The following CTTNBP2 variants were observed in gnomAD, a reference collection of about 807,000 sequenced individuals.
The protein encoded by CTTNBP2 is cortactin-binding protein 2.
CTTNBP2 carries 108 observed loss-of-function variants against 156.9 expected under a neutral mutation model. That is an observed-to-expected ratio of 0.69 (90% CI 0.59 to 0.81). The LOEUF (loss-of-function observed/expected upper bound fraction) is 0.81. CTTNBP2 is among the 30% of genes least tolerant of loss of function. The pLI is 0.00. For synonymous variants in CTTNBP2, 767 were observed against 751.8 expected, an observed-to-expected ratio of 1.02 and a Z score of -0.33; for missense variants, 1,924 against 2,035.4, an observed-to-expected ratio of 0.95 and a Z score of 1.05.
intron 3 of CTTNBP2, among the ~76,000 whole-genome samples, chr7:117,809,695 A>G: frequency 6.6e-6 from 1 of 152,240 alleles, no homozygotes; most frequent in Non-Finnish European, 1.5e-5. Flanking sequence ...ACACCAGAAC[A>G]CTAACATTTA....
At position 117,767,164 on chromosome 7, in the gene CTTNBP2, T is replaced by C; in HGVS notation, c.2791A>G (p.Ile931Val). The change falls in exon 9 of 23, where the codon ATC (isoleucine) becomes GTC (valine). Residue 931 changes from isoleucine (I) to valine (V), a missense_variant. Coordinates refer to ENST00000160373, the MANE Select transcript of CTTNBP2 (RefSeq NM_033427.3). ...TCAAGCCCTCCGTGCCTACACAAGA[T>C]TTCTAGGCAGTTCTATAAAGACAAG... Reference protein sequence around the residue: ...ASKGFKNCLEILCRHGGLEPE... With the variant: ...ASKGFKNCLEVLCRHGGLEPE... The C allele has an allele frequency of 3.1e-6, 5 of 1,598,074 alleles. No individual in the cohort carries two copies. The highest frequency in any genetic ancestry group is 1.3e-5 in the African/African-American group (1 of 74,714).
chr7:117,850,855 C>T lies in CTTNBP2; in HGVS notation c.189+10354G>A, dbSNP rs151088137. Among the ~76,000 whole-genome samples the T allele has an allele frequency of 9.9e-5, 15 of 152,020 alleles. No individual in the cohort carries two copies. The East Asian group carries it at 2.9e-3, about 29-fold the overall frequency. On this transcript the variant is annotated intron_variant, in intron 2 of 22. Coordinates refer to ENST00000160373, the MANE Select transcript of CTTNBP2 (RefSeq NM_033427.3). Reference sequence around the variant, plus strand: ...ACTAGACAATAAATTTTAGAAGTACCAGGACTATTTAGCTTACACTCTCTT... The same window carrying T: ...ACTAGACAATAAATTTTAGAAGTACTAGGACTATTTAGCTTACACTCTCTT...
intron 3 of CTTNBP2, among the ~76,000 whole-genome samples, chr7:117,808,125 A>G (rs992598157): frequency 6.6e-6 from 1 of 152,192 alleles, no homozygotes; most frequent in Non-Finnish European, 1.5e-5. Flanking sequence ...TATTTTGGCT[A>G]CACAGATTCA....
intron 10 of CTTNBP2, among the ~76,000 whole-genome samples, chr7:117,759,400 C>A (rs1196212682): frequency 1.3e-5 from 2 of 152,146 alleles, no homozygotes; most frequent in Non-Finnish European, 2.9e-5. Flanking sequence ...GTATAAGCCA[C>A]CATGCACAGC....
At chr7:117,817,358 A>ATATATAT (rs1563037636) in intron 2 of CTTNBP2, among the ~76,000 whole-genome samples, 1 of 78,944 alleles carries the variant, frequency 1.3e-5, no homozygotes, top group Non-Finnish European at 2.5e-5. Context: ...AAAAAAAAAA[A>ATATATAT]AAAATATATA....
intron 2 of CTTNBP2, among the ~76,000 whole-genome samples, chr7:117,831,121 A>C (rs559295617): frequency 1.3e-5 from 2 of 152,340 alleles, no homozygotes; most frequent in Non-Finnish European, 2.9e-5. Flanking sequence ...TAAAGACCTA[A>C]GTCCCCTCAT....
At chr7:117,862,977 T>TA (rs1374452951) in intron 1 of CTTNBP2, among the ~76,000 whole-genome samples, 2 of 152,218 alleles carry the variant, frequency 1.3e-5, no homozygotes, top group Non-Finnish European at 2.9e-5. Flanking sequence ...TGAGATGAGA[T>TA]AAAAATGGTA....
chr7:117,715,603 GT>G (rs1404002580), intron 22 of CTTNBP2, among the ~76,000 whole-genome samples: 3 of 151,860 alleles, frequency 2.0e-5, no homozygotes. Flanking sequence ...TGTTCTTCCT[GT>G]TGATTTAAAT....
chr7:117,727,956 G>T, intron 17 of CTTNBP2, 133 bp downstream of exon 17: 1 of 763,226 alleles, frequency 1.3e-6, no homozygotes, highest in Non-Finnish European at 2.1e-6. Flanking sequence ...CTCTGAAAGA[G>T]CAGAGAGCAC....
At chr7:117,847,819 C>CTTTTTTTTTTTTTTTTTTTT (rs201419286) in intron 2 of CTTNBP2, among the ~76,000 whole-genome samples, 5 of 91,358 alleles carry the variant, frequency 5.5e-5, no homozygotes, top group African/African-American at 2.4e-4. Flanking sequence ...TTTGCCTAAC[C>CTTTTTTTTTTTTTTTTTTTT]TTTTTTTTTT....
At chr7:117,753,579 A>G (rs1584946981) in intron 12 of CTTNBP2, among the ~76,000 whole-genome samples, 1 of 152,342 alleles carries the variant, frequency 6.6e-6, no homozygotes, top group Middle Eastern at 3.4e-3. Context: ...CAATGATAAA[A>G]AGGAATGAGA....
Position 117,711,523 on chromosome 7 carries a change from T to C in CTTNBP2, c.*14A>G. On this transcript the variant is annotated 3_prime_UTR_variant, in exon 23 of 23. Transcript: ENST00000160373. Reference sequence around the variant, plus strand: ...AAATAGAGGAAGTTAATAATGAGAATATTGTAGGCAGGCCTATTTGTTAGG... The same window carrying C: ...AAATAGAGGAAGTTAATAATGAGAACATTGTAGGCAGGCCTATTTGTTAGG... 1.2e-6 allele frequency: 2 copies of C among 1,603,494 alleles called. No homozygotes were observed. Among genetic ancestry groups the C allele is most frequent in the Non-Finnish European group, 1.7e-6 (2 of 1,176,038 alleles).
rs529173712 is a variant in CTTNBP2, at chr7:117,829,606, C to T, written c.190-18617G>A. On this transcript the variant is annotated intron_variant, in intron 2 of 22. Transcript: ENST00000160373. ...GGAATGAGGGATCCACATATGCTCA[C>T]GCCCTATTCCTGTTTCTCACTATCT... is the stretch of plus-strand genomic sequence containing the variant. Among the ~76,000 whole-genome samples, 8 of 152,286 alleles carry T rather than the reference C, an allele frequency of 5.3e-5. No individual in the cohort carries two copies. In the East Asian group the frequency reaches 7.7e-4, roughly 15 times the overall value.
At chr7:117,766,903 GTTAA>G (rs751935125) in intron 9 of CTTNBP2, among the ~76,000 whole-genome samples, 152 bp downstream of exon 9, 2 of 152,198 alleles carry the variant, frequency 1.3e-5, no homozygotes, top group Non-Finnish European at 2.9e-5. Context: ...CGGAAAAATA[GTTAA>G]TTATCACACT....
At chr7:117,765,158 A>T (rs896935893) in intron 9 of CTTNBP2, among the ~76,000 whole-genome samples, 1 of 151,968 alleles carries the variant, frequency 6.6e-6, no homozygotes, top group Non-Finnish European at 1.5e-5. Context: ...CTGGTCTCGA[A>T]CTCCCGACCT....
At chr7:117,862,153 G>A (rs1341443284) in intron 1 of CTTNBP2, among the ~76,000 whole-genome samples, 3 of 152,140 alleles carry the variant, frequency 2.0e-5, no homozygotes, top group Non-Finnish European at 4.4e-5. Flanking sequence ...CCATAGTCAG[G>A]TGGGTTTGGA....
At chr7:117,738,203 C>A (rs1231386265) in intron 14 of CTTNBP2, among the ~76,000 whole-genome samples, 1 of 152,110 alleles carries the variant, frequency 6.6e-6, no homozygotes, top group East Asian at 1.9e-4. Context: ...GGGGCACTGG[C>A]ATTTTGTAAA....
intron 16 of CTTNBP2, among the ~76,000 whole-genome samples, chr7:117,733,654 T>A (rs1795524765): frequency 6.6e-6 from 1 of 152,188 alleles, no homozygotes; most frequent in Admixed American, 6.5e-5. Flanking sequence ...AAGTAACTGA[T>A]TTAAATATAA....
At chr7:117,736,905 T>G (rs147755239) in intron 14 of CTTNBP2, among the ~76,000 whole-genome samples, 31 of 152,342 alleles carry the variant, frequency 2.0e-4, no homozygotes, top group African/African-American at 7.2e-4. Flanking sequence ...CATTACCAAA[T>G]AGTCTACTTT....
Sources: gnomAD v4.1 joint callset for allele counts (sites outside exome capture counted in the v4.1 genomes callset) on GRCh38, gnomAD v4.1.1 for gene constraint, MANE v1.5 for transcripts, NCBI Gene and HGNC (gene_info 2026-07-23, HGNC 2026-07-21) for gene names.